The following CABP7 variants were observed in gnomAD, a reference collection of about 807,000 sequenced individuals.
CABP7 encodes the protein calcium-binding protein 7.
CABP7 carries 13 observed loss-of-function variants against 23.1 expected under a neutral mutation model. The observed-to-expected ratio is 0.56, with a 90% CI of 0.37 to 0.90. CABP7 has a LOEUF of 0.90. CABP7 is among the 40% of genes least tolerant of loss of function. CABP7 has a pLI of 0.01. For missense variants in CABP7, 248 were observed against 295.6 expected, an observed-to-expected ratio of 0.84 and a Z score of 1.18; for synonymous variants, 123 against 115.3, an observed-to-expected ratio of 1.07 and a Z score of -0.43.
rs756741335 is a variant in CABP7, at chr22:29,731,318, G to A, written c.*1749G>A. Reference sequence around the variant, plus strand: ...GCTCCTGAACTGGTGGCCAGCCCACGGGGTACTGGAAGACAGTGGTTCTGA... The same window carrying A: ...GCTCCTGAACTGGTGGCCAGCCCACAGGGTACTGGAAGACAGTGGTTCTGA... On this transcript the variant is annotated 3_prime_UTR_variant, in exon 5 of 5. Coordinates refer to ENST00000216144, the MANE Select transcript of CABP7 (RefSeq NM_182527.3). The A allele has an allele frequency of 1.4e-5, 21 of 1,532,286 alleles. No homozygotes were observed. Among genetic ancestry groups the A allele is most frequent in the Non-Finnish European group, 1.7e-5 (19 of 1,151,144 alleles). The allele number at this position is 1,532,286 out of a possible 1,614,324, so 94.9% of individuals were successfully genotyped here.
intron 1 of CABP7, among the ~76,000 whole-genome samples, chr22:29,721,254 AG>A (rs1475676133): frequency 6.6e-6 from 1 of 152,116 alleles, no homozygotes. Flanking sequence ...TCAGACTCGC[AG>A]GGGGATGGCA....
chr22:29,727,855 G>A lies in CABP7; in HGVS notation c.253+50G>A, dbSNP rs371825020. On this transcript the variant is annotated intron_variant, in intron 2 of 4. Transcript: ENST00000216144. This position sits in a 1 kb window ranked among gnomAD's most constrained non-coding sequence, Gnocchi z 4.2. ...CCCCACCTGGCATCTGGGCCCTGGG[G>A]GTGGGGCAGGGGCTGGGGCCTGAGC... is the stretch of plus-strand genomic sequence containing the variant. 6.3e-7 allele frequency: 1 copy of A among 1,578,178 alleles called. No individual in the cohort carries two copies. The highest frequency in any genetic ancestry group is 1.2e-5 in the South Asian group (1 of 86,780).
At chr22:29,728,982 G>A in intron 3 of CABP7, 73 bp from the exon 4 acceptor site, 1 of 1,559,508 alleles carries the variant, frequency 6.4e-7, no homozygotes, top group Non-Finnish European at 8.8e-7. Context: ...CTGTCACCGG[G>A]TCTGTATGGC....
At chr22:29,729,278 A>T in intron 4 of CABP7, 70 bp downstream of exon 4, 1 of 1,573,364 alleles carries the variant, frequency 6.4e-7, no homozygotes, top group Non-Finnish European at 8.7e-7. Flanking sequence ...CGGGGTGGGG[A>T]GAGTCTGCAG....
At position 29,720,635 on chromosome 22, in the gene CABP7, C is replaced by T. The variant is rs2067754163; in HGVS notation, c.109+102C>T. On this transcript the variant is annotated intron_variant, in intron 1 of 4. Coordinates refer to ENST00000216144, the MANE Select transcript of CABP7 (RefSeq NM_182527.3). The surrounding 1 kb of genome is among the most constrained non-coding windows in gnomAD (Gnocchi z 5.2). Reference sequence around the variant, plus strand: ...GGGGCGGGGGGCGGGGGGCGGTCCGCAGGTGCCGGTTGCCAGGTGGGCGCC... The same window carrying T: ...GGGGCGGGGGGCGGGGGGCGGTCCGTAGGTGCCGGTTGCCAGGTGGGCGCC... 6.3e-6 allele frequency: 4 copies of T among 632,254 alleles called. No individual in the cohort carries two copies. The highest frequency in any genetic ancestry group is 7.3e-6 in the Non-Finnish European group (3 of 413,042). The allele number at this position is 632,254 out of a possible 1,614,324, so 39.2% of individuals were successfully genotyped here. A position where few individuals can be genotyped will look rare whatever the true frequency, so the allele number is the denominator to read the frequency against.
chr22:29,720,832 C>A lies in CABP7; in HGVS notation c.109+299C>A, dbSNP rs1381897922. Among the ~76,000 whole-genome samples, 1 of 151,560 alleles carries A rather than the reference C, an allele frequency of 6.6e-6. No homozygotes were observed. ...GGCCGCGCAGTCGGCGGTGACGGTGCGGCAACGCGGCGGACTGGGGCGGGG... is the reference window on the plus strand; with the variant it reads ...GGCCGCGCAGTCGGCGGTGACGGTGAGGCAACGCGGCGGACTGGGGCGGGG... On this transcript the variant is annotated intron_variant, in intron 1 of 4. Transcript: ENST00000216144. The surrounding 1 kb of genome is among the most constrained non-coding windows in gnomAD (Gnocchi z 5.2).
In CABP7 at chr22:29,731,661, T is replaced by G. The variant is rs982902660; in HGVS notation, c.*2092T>G. 4.6e-5 allele frequency: 15 copies of G among 325,030 alleles called. 2 individuals carry two copies. The highest frequency in any genetic ancestry group is 3.9e-5 in the Non-Finnish European group (7 of 178,474). The allele number at this position is 325,030 out of a possible 1,614,324, so 20.1% of individuals were successfully genotyped here. ...TGCACGTCCACAGCAGAGAATGCCA[T>G]GCGGCCTGTGTAAGAATTAAGGCAG... On this transcript the variant is annotated 3_prime_UTR_variant, in exon 5 of 5. Coordinates refer to ENST00000216144, the MANE Select transcript of CABP7 (RefSeq NM_182527.3).
At chr22:29,728,606 T>G in intron 2 of CABP7, 24 bp from the exon 3 acceptor site, 1 of 1,484,212 alleles carries the variant, frequency 6.7e-7, no homozygotes, top group Non-Finnish European at 9.4e-7. Context: ...ACCCACTGAT[T>G]GATTGGACCT....
chr22:29,722,721 CA>C (rs545119844), intron 1 of CABP7, among the ~76,000 whole-genome samples: 195 of 152,382 alleles, frequency 1.3e-3, no homozygotes, highest in African/African-American at 4.3e-3. Context: ...TGCAGGGCCT[CA>C]TGAGTGCTCC....
In CABP7 at chr22:29,727,911, G is replaced by C. The variant is rs961804245; in HGVS notation, c.253+106G>C. 1.3e-5 allele frequency: 17 copies of C among 1,300,810 alleles called. No homozygotes were observed. Among genetic ancestry groups the C allele is most frequent in the Admixed American group, 2.6e-5 (1 of 38,400 alleles). The allele number at this position is 1,300,810 out of a possible 1,614,324, so 80.6% of individuals were successfully genotyped here. ...AGGCTGCATCCAAATTGGGTCTCTC[G>C]CTCCCCTGACTCCCACCCTCAAAGT... is the stretch of plus-strand genomic sequence containing the variant. On this transcript the variant is annotated intron_variant, in intron 2 of 4. Coordinates refer to ENST00000216144, the MANE Select transcript of CABP7 (RefSeq NM_182527.3). The surrounding 1 kb of genome is among the most constrained non-coding windows in gnomAD (Gnocchi z 4.2).
rs1377083437 is a variant in CABP7, at chr22:29,729,927, G to T, written c.*358G>T. 1 of 250,854 alleles carries T rather than the reference G, an allele frequency of 4.0e-6. No individual in the cohort carries two copies. Among genetic ancestry groups the T allele is most frequent in the Non-Finnish European group, 7.7e-6 (1 of 129,310 alleles). 15.5% of individuals were successfully genotyped at this position (250,854 alleles called of 1,614,324 possible). On this transcript the variant is annotated 3_prime_UTR_variant, in exon 5 of 5. Coordinates refer to ENST00000216144, the MANE Select transcript of CABP7 (RefSeq NM_182527.3). ...GCTGTGGTCCCTTGGGCAGGAGCGG[G>T]CACCCTGTGCCTTGAGACAGCAGCC...
At position 29,731,022 on chromosome 22, in the gene CABP7, G is replaced by A. The variant is rs2067836287; in HGVS notation, c.*1453G>A. On this transcript the variant is annotated 3_prime_UTR_variant, in exon 5 of 5. Transcript: ENST00000216144. ...CCCCCATCTTCTTAAGAAGCAGGGG[G>A]GCAGGTGGAGGAGAGTGAGGGGAGA... 2.2e-6 allele frequency: 1 copy of A among 460,198 alleles called. No homozygotes were observed. Among genetic ancestry groups the A allele is most frequent in the Admixed American group, 3.9e-5 (1 of 25,480 alleles). 28.5% of individuals were successfully genotyped at this position (460,198 alleles called of 1,614,324 possible).
intron 2 of CABP7, among the ~76,000 whole-genome samples, 179 bp from the exon 3 acceptor site, chr22:29,728,451 C>T (rs988077575): frequency 6.6e-6 from 1 of 152,192 alleles, no homozygotes; most frequent in African/African-American, 2.4e-5. Flanking sequence ...AGCGTCAGCC[C>T]AGAGCCTGGC....
In CABP7 at chr22:29,729,789, GCCCCACCCTGT is replaced by G. The variant is rs1006260016; in HGVS notation, c.*231_*241del. ...GTGGTGGCTCTGAGGATGGTCCCCAGCCCCACCCTGTCCCCACCCTGGCCTGTAAGGAGCAC... is the reference window on the plus strand; with the variant it reads ...GTGGTGGCTCTGAGGATGGTCCCCAGCCCCACCCTGGCCTGTAAGGAGCAC... On this transcript the variant is annotated 3_prime_UTR_variant, in exon 5 of 5. Coordinates refer to ENST00000216144, the MANE Select transcript of CABP7 (RefSeq NM_182527.3). 9 of 598,956 alleles carry G rather than the reference GCCCCACCCTGT, an allele frequency of 1.5e-5. No individual in the cohort carries two copies. Among genetic ancestry groups the G allele is most frequent in the African/African-American group, 7.5e-5 (4 of 53,232 alleles). 37.1% of individuals were successfully genotyped at this position (598,956 alleles called of 1,614,324 possible). A position where few individuals can be genotyped will look rare whatever the true frequency, so the allele number is the denominator to read the frequency against.
chr22:29,722,904 C>G (rs1473262971), intron 1 of CABP7, among the ~76,000 whole-genome samples: 1 of 152,232 alleles, frequency 6.6e-6, no homozygotes, highest in Admixed American at 6.5e-5. Context: ...GAAAGGAGGA[C>G]CAGGCAGGGA....
chr22:29,726,014 G>C (rs1359231964), intron 1 of CABP7, among the ~76,000 whole-genome samples: 1 of 152,182 alleles, frequency 6.6e-6, no homozygotes, highest in Non-Finnish European at 1.5e-5. Flanking sequence ...GGTGGCCCAG[G>C]AAAGCTCCAG....
At chr22:29,728,332 G>A (rs962701633) in intron 2 of CABP7, among the ~76,000 whole-genome samples, 17 of 152,176 alleles carry the variant, frequency 1.1e-4, no homozygotes, top group African/African-American at 3.4e-4. Context: ...CAGGATGGCC[G>A]CAGGGTGCTG....
Position 29,730,206 on chromosome 22 carries a change from C to T in CABP7, c.*637C>T, listed in dbSNP as rs1346887553. 1 of 152,820 alleles carries T rather than the reference C, an allele frequency of 6.5e-6. No homozygotes were observed. Among genetic ancestry groups the T allele is most frequent in the Non-Finnish European group, 1.5e-5 (1 of 68,098 alleles). 9.5% of individuals were successfully genotyped at this position (152,820 alleles called of 1,614,324 possible). On this transcript the variant is annotated 3_prime_UTR_variant, in exon 5 of 5. Transcript: ENST00000216144. ...GCCAGCCCATTTCACAGGTGAGGAA[C>T]CCGAGGCTCAGGGCCCCGAGACTTG... is the stretch of plus-strand genomic sequence containing the variant.
rs756709454 is a variant in CABP7, at chr22:29,731,211, C to T, written c.*1642C>T. On this transcript the variant is annotated 3_prime_UTR_variant, in exon 5 of 5. Coordinates refer to ENST00000216144, the MANE Select transcript of CABP7 (RefSeq NM_182527.3). ...GAAAAGTGACCACGTGGGGGTCAGT[C>T]GGGGGCAAGGGGCTCAGCCCCACTG... 2.8e-5 allele frequency: 41 copies of T among 1,485,736 alleles called. No homozygotes were observed. The highest frequency in any genetic ancestry group is 4.4e-5 in the African/African-American group (3 of 67,436). 92.0% of individuals were successfully genotyped at this position (1,485,736 alleles called of 1,614,324 possible).
Sources: gnomAD v4.1 joint callset for allele counts (sites outside exome capture counted in the v4.1 genomes callset) on GRCh38, gnomAD v4.1.1 for gene constraint, Gnocchi (gnomAD v3.1) non-coding constraint, MANE v1.5 for transcripts, NCBI Gene and HGNC (gene_info 2026-07-23, HGNC 2026-07-21) for gene names.